Variants in RBFOX1 observed in about 807,000 individuals in gnomAD.
RBFOX1 encodes the protein RNA binding protein fox-1 homolog 1.
RBFOX1 carries 8 observed loss-of-function variants against 57.7 expected under a neutral mutation model. That is an observed-to-expected ratio of 0.14 (90% confidence interval 0.08 to 0.25). The LOEUF is 0.25. Among genes scored for constraint, RBFOX1 ranks in the 10% least tolerant of loss-of-function variants. The pLI, the probability that RBFOX1 is intolerant of heterozygous loss-of-function variation, is 1.00. For missense variants in RBFOX1, 611 were observed against 548.5 expected, an observed-to-expected ratio of 1.11 and a Z score of -1.14; for synonymous variants, 326 against 222.4, an observed-to-expected ratio of 1.47 and a Z score of -4.15.
At chr16:5,785,772 A>C (rs1403940303) in intron 3 of RBFOX1, among the ~76,000 whole-genome samples, 2 of 151,996 alleles carry the variant, frequency 1.3e-5, no homozygotes, top group African/African-American at 4.8e-5. Context: ...GGTGATCCAC[A>C]TGCCTTGGCC....
chr16:6,008,396 C>T (rs372095421), intron 4 of RBFOX1, among the ~76,000 whole-genome samples: 6 of 151,848 alleles, frequency 4.0e-5, no homozygotes, highest in East Asian at 1.9e-4. Flanking sequence ...CACATGGGCA[C>T]GGCATGAAGA....
intron 2 of RBFOX1, among the ~76,000 whole-genome samples, chr16:6,433,366 G>C (rs1308317294): frequency 1.3e-5 from 2 of 152,224 alleles, no homozygotes; most frequent in Non-Finnish European, 2.9e-5. Flanking sequence ...ACTTCCACCA[G>C]ACACTGTAGA....
At chr16:6,356,321 G>A (rs2087309286) in intron 2 of RBFOX1, among the ~76,000 whole-genome samples, 1 of 152,172 alleles carries the variant, frequency 6.6e-6, no homozygotes, top group Non-Finnish European at 1.5e-5. Context: ...ACGTCAGCCA[G>A]CATGTCACAT....
intron 1 of RBFOX1, chr16:6,093,014 G>C (rs2096198524): frequency 6.6e-6 from 1 of 152,178 alleles, no homozygotes; most frequent in Admixed American, 6.5e-5. Flanking sequence ...AACCATGTGA[G>C]ATGCAATTTA....
At chr16:7,693,390 G>C (rs2077806982) in intron 14 of RBFOX1, 4 of 1,476,714 alleles carry the variant, frequency 2.7e-6, no homozygotes, top group Non-Finnish European at 1.9e-6. Context: ...GCTACTTCTT[G>C]ATGCATCCAT....
intron 4 of RBFOX1, among the ~76,000 whole-genome samples, chr16:7,240,515 A>C (rs1265272896): frequency 6.6e-6 from 1 of 152,034 alleles, no homozygotes; most frequent in Non-Finnish European, 1.5e-5. Context: ...TCTGTTTCTA[A>C]ATACTGGGGT....
intron 1 of RBFOX1, among the ~76,000 whole-genome samples, chr16:6,296,257 G>A (rs1318670024): frequency 1.3e-5 from 2 of 152,134 alleles, no homozygotes; most frequent in Admixed American, 1.3e-4. Flanking sequence ...GATTTTCAAA[G>A]AAGAAAGGGG....
At chr16:7,673,740 G>T (rs1038752525) in intron 13 of RBFOX1, among the ~76,000 whole-genome samples, 10 of 152,162 alleles carry the variant, frequency 6.6e-5, no homozygotes, top group Admixed American at 5.2e-4. Flanking sequence ...TTTATATAAG[G>T]TTACATTTAT....
intron 4 of RBFOX1, among the ~76,000 whole-genome samples, chr16:7,507,386 C>G (rs1203340134): frequency 6.6e-6 from 1 of 152,002 alleles, no homozygotes; most frequent in Non-Finnish European, 1.5e-5. Context: ...ATGGGTCTTA[C>G]AGCCTAAGAG....
intron 3 of RBFOX1, among the ~76,000 whole-genome samples, chr16:6,710,277 C>G (rs191484027): frequency 3.3e-4 from 51 of 152,250 alleles, no homozygotes; most frequent in African/African-American, 1.2e-3. Context: ...TCTAGAAGAA[C>G]ATGATTAAAG....
intron 4 of RBFOX1, among the ~76,000 whole-genome samples, chr16:7,390,573 A>T (rs1478228276): frequency 6.6e-6 from 1 of 152,220 alleles, no homozygotes; most frequent in Non-Finnish European, 1.5e-5. Flanking sequence ...CATCGCAGAG[A>T]TTATGCAAGT....
chr16:7,440,227 C>A (rs2098755840), intron 4 of RBFOX1, among the ~76,000 whole-genome samples: 1 of 152,100 alleles, frequency 6.6e-6, no homozygotes, highest in Admixed American at 6.5e-5. Flanking sequence ...AAATTCATGC[C>A]ACTGTGGCCT....
intron 3 of RBFOX1, among the ~76,000 whole-genome samples, chr16:5,722,282 A>T (rs1051638876): frequency 6.6e-6 from 1 of 152,356 alleles, no homozygotes; most frequent in Admixed American, 6.5e-5. Context: ...CAGTGTATCT[A>T]ATCTCTTACA....
chr16:6,848,760 A>G (rs1466944548), intron 3 of RBFOX1, among the ~76,000 whole-genome samples: 1 of 152,162 alleles, frequency 6.6e-6, no homozygotes, highest in Non-Finnish European at 1.5e-5. Flanking sequence ...CACATTGCCA[A>G]GTAGAAGAAA....
chr16:6,957,116 T>TTTTATTTATTTATTTG (rs1555677708), intron 3 of RBFOX1, among the ~76,000 whole-genome samples: 2 of 139,252 alleles, frequency 1.4e-5, no homozygotes, highest in African/African-American at 5.5e-5. Flanking sequence ...TTATTTTTAT[T>TTTTATTTATTTATTTG]TTTATTTATT....
At chr16:6,818,589 C>G (rs183373555) in intron 3 of RBFOX1, among the ~76,000 whole-genome samples, 1 of 152,188 alleles carries the variant, frequency 6.6e-6, no homozygotes, top group African/African-American at 2.4e-5. Context: ...ATGGCACTCT[C>G]ATTTAACCTC....
intron 4 of RBFOX1, among the ~76,000 whole-genome samples, chr16:5,974,308 C>A (rs752676099): frequency 2.6e-5 from 4 of 152,112 alleles, no homozygotes; most frequent in African/African-American, 4.8e-5. Context: ...GAGAAACATA[C>A]CTGATTAAAA....
intron 4 of RBFOX1, among the ~76,000 whole-genome samples, chr16:7,221,195 TGC>T (rs1378930792): frequency 1.3e-5 from 2 of 152,256 alleles, no homozygotes; most frequent in East Asian, 3.9e-4. Flanking sequence ...TTAAAACAGC[TGC>T]CTTGTACATT....
intron 4 of RBFOX1, among the ~76,000 whole-genome samples, chr16:5,997,675 G>A (rs1304043878): frequency 6.6e-6 from 1 of 152,124 alleles, no homozygotes; most frequent in African/African-American, 2.4e-5. Context: ...CTTTAAAGTT[G>A]GAAGAGGAAT....
Sources: allele counts gnomAD v4.1 joint callset (sites outside exome capture counted in the v4.1 genomes callset), GRCh38; gene constraint gnomAD v4.1.1; transcripts MANE v1.5; gene names NCBI Gene and HGNC (gene_info 2026-07-23, HGNC 2026-07-21).